RPS6KA5: variants seen among roughly 807,000 people sequenced by gnomAD.
RPS6KA5 encodes the protein ribosomal protein S6 kinase alpha-5.
In RPS6KA5, 27 loss-of-function variants were observed where a neutral mutation model predicts 85.5. The ratio of observed to expected loss-of-function variants is 0.32; its 90% CI spans 0.23 to 0.44. The LOEUF is 0.44. RPS6KA5 is among the 20% of genes least tolerant of loss of function. The probability of loss-of-function intolerance (pLI) is 1.00; values close to 1 mark genes in which losing one functional copy is unlikely to be tolerated. For missense variants in RPS6KA5, 811 were observed against 980.9 expected (o/e 0.83, Z 2.31); for synonymous variants, 334 against 348.2 (o/e 0.96, Z 0.46).
rs184790985 is a variant in RPS6KA5 at position 90,864,736 on chromosome 14, T to C, written c.*7338A>G. 5 of 152,300 alleles carry C rather than the reference T, an allele frequency of 3.3e-5. No individual in the cohort carries two copies. The highest frequency in any genetic ancestry group is 9.6e-5 in the African/African-American group (4 of 41,566). The allele number at this position is 152,300 out of a possible 1,614,324, so 9.4% of individuals were successfully genotyped here. A position where few individuals can be genotyped will look rare whatever the true frequency, so the allele number is the denominator to read the frequency against. ...ACAAATGACTTGAACAGGCACTTAA[T>C]TGAGGATAGCCAAATGACTAATAAA... is the stretch of plus-strand genomic sequence containing the variant. On this transcript the variant is annotated 3_prime_UTR_variant, in exon 17 of 17. Transcript: ENST00000614987.
intron 1 of RPS6KA5, among the ~76,000 whole-genome samples, chr14:91,014,618 T>A (rs2041404559): frequency 6.6e-6 from 1 of 152,112 alleles, no homozygotes; most frequent in African/African-American, 2.4e-5. Flanking sequence ...TATTTACTTA[T>A]CAAAGTTAAT....
Position 90,857,161 on chromosome 14 carries a change from A to G in RPS6KA5, c.*14913T>C, listed in dbSNP as rs2032325132. The stretch of plus-strand genomic sequence containing the variant: ...GTTATCTCTGGAATACGTCTTTGTA[A>G]TAAAAAAAAATCCACTGGATAAAGT... On this transcript the variant is annotated 3_prime_UTR_variant, in exon 17 of 17. Coordinates refer to ENST00000614987, the MANE Select transcript of RPS6KA5 (RefSeq NM_004755.4). The G allele has an allele frequency of 6.6e-6, 1 of 152,198 alleles. No homozygotes were observed. Among genetic ancestry groups the G allele is most frequent in the Non-Finnish European group, 1.5e-5 (1 of 68,038 alleles). 9.4% of individuals were successfully genotyped at this position (152,198 alleles called of 1,614,324 possible). A position where few individuals can be genotyped will look rare whatever the true frequency, so the allele number is the denominator to read the frequency against.
At position 90,907,978 on chromosome 14, in the gene RPS6KA5, T is replaced by C. The variant is rs375879398; in HGVS notation, c.807-1679A>G. 2.9e-3 allele frequency among the ~76,000 whole-genome samples: 439 copies of C among 152,318 alleles called. 22 individuals carry two copies. In the South Asian group the frequency reaches 0.088, roughly 31 times the overall value. On this transcript the variant is annotated intron_variant, in intron 7 of 16. Coordinates refer to ENST00000614987, the MANE Select transcript of RPS6KA5 (RefSeq NM_004755.4). The stretch of plus-strand genomic sequence containing the variant: ...AAGCAAATTGTGACATTTACTTTTG[T>C]TGAATTAGGGTAGAAATATATGCAC...
rs1284915992 is a variant in RPS6KA5 at position 90,875,294 on chromosome 14, C to T, written c.1903G>A (p.Val635Met). The change falls in exon 15 of 17, where the codon GTG (valine) becomes ATG (methionine). Residue 635 changes from valine to methionine, a missense_variant. Val to Met is a conservative substitution (Grantham distance 21, BLOSUM62 1). This residue lies in a region of RPS6KA5 where 650 missense variants were observed against 793.4 expected (regional missense o/e 0.82). Coordinates refer to ENST00000614987, the MANE Select transcript of RPS6KA5 (RefSeq NM_004755.4). ...HDRSLTCTSAVEIMKKIKKGD... is the reference protein window; with the variant it reads ...HDRSLTCTSAMEIMKKIKKGD... Reference sequence around the variant, plus strand: ...TTTTTAATTTTCTTCATGATTTCCACCGCGCTGGTACACGTCAAACTTCGG... The same window carrying T: ...TTTTTAATTTTCTTCATGATTTCCATCGCGCTGGTACACGTCAAACTTCGG... 3 of 1,614,004 alleles carry T rather than the reference C, an allele frequency of 1.9e-6. No individual in the cohort carries two copies. Among genetic ancestry groups the T allele is most frequent in the Non-Finnish European group, 2.5e-6 (3 of 1,179,916 alleles).
intron 2 of RPS6KA5, among the ~76,000 whole-genome samples, chr14:90,996,207 T>G (rs1187439231): frequency 6.6e-6 from 1 of 151,438 alleles, no homozygotes; most frequent in Non-Finnish European, 1.5e-5. Flanking sequence ...TTTTTTTTGT[T>G]TTTTTTTTCA....
At position 90,889,114 on chromosome 14, in the gene RPS6KA5, TA is replaced by T. The variant is rs531535302; in HGVS notation, c.1836+1372del. On this transcript the variant is annotated intron_variant, in intron 14 of 16. Coordinates refer to ENST00000614987, the MANE Select transcript of RPS6KA5 (RefSeq NM_004755.4). ...TTTGAGACCAGCCTGACCAACATGG[TA>T]AAACCTCGTCTCTACTAAAAATACA... is the stretch of plus-strand genomic sequence containing the variant. Among the ~76,000 whole-genome samples, 611 of 152,046 alleles carry T rather than the reference TA, an allele frequency of 4.0e-3. 8 individuals are homozygous for T. The highest frequency in any genetic ancestry group is 0.014 in the African/African-American group (571 of 41,504).
intron 6 of RPS6KA5, among the ~76,000 whole-genome samples, chr14:90,921,188 G>C (rs1410574894): frequency 6.6e-6 from 1 of 152,156 alleles, no homozygotes; most frequent in African/African-American, 2.4e-5. Context: ...CTAAGTTTCA[G>C]AGAGGTGACA....
rs2033027632 is a variant in RPS6KA5 at position 90,870,456 on chromosome 14, A to G, written c.*1618T>C. On this transcript the variant is annotated 3_prime_UTR_variant, in exon 17 of 17. Transcript: ENST00000614987. Reference sequence around the variant, plus strand: ...GACAAAATGTGAACAGGATAATATAATATTTTGAAAATATTTTAATATTTG... The same window carrying G: ...GACAAAATGTGAACAGGATAATATAGTATTTTGAAAATATTTTAATATTTG... 1 of 152,170 alleles carries G rather than the reference A, an allele frequency of 6.6e-6. No homozygotes were observed. Among genetic ancestry groups the G allele is most frequent in the Non-Finnish European group, 1.5e-5 (1 of 68,020 alleles). 9.4% of individuals were successfully genotyped at this position (152,170 alleles called of 1,614,324 possible).
At position 90,947,502 on chromosome 14, in the gene RPS6KA5, C is replaced by T. The variant is rs778788639; in HGVS notation, c.443G>A (p.Arg148His). Residue 148 changes from arginine to histidine, a missense_variant, in exon 4 of 17, where the codon CGT becomes CAT. Arg to His is a conservative substitution (Grantham distance 29, BLOSUM62 0). Around this residue, in one of 3 missense-constraint regions of RPS6KA5, gnomAD observed 48 missense variants for 87.6 expected, o/e 0.55. Transcript: ENST00000614987. Reference protein sequence around the residue: ...ELFTHLSQRERFTEHEVQIYV... With the variant: ...ELFTHLSQREHFTEHEVQIYV... ...AATCTGCACCTCATGCTCTGTGAAA[C>T]GCTCTCTTTGAGAAAGATGAGTAAA... 19 of 1,612,562 alleles carry T rather than the reference C, an allele frequency of 1.2e-5. No homozygotes were observed. The highest frequency in any genetic ancestry group is 3.3e-4 in the Middle Eastern group (2 of 6,080).
At chr14:90,931,302 C>A (rs1390161389) in intron 5 of RPS6KA5, among the ~76,000 whole-genome samples, 5 of 152,152 alleles carry the variant, frequency 3.3e-5, no homozygotes, top group African/African-American at 1.2e-4. Context: ...AAATACTGTA[C>A]AACTCCACTG....
intron 1 of RPS6KA5, among the ~76,000 whole-genome samples, chr14:91,025,514 A>G (rs1320220427): frequency 6.6e-6 from 1 of 152,236 alleles, no homozygotes; most frequent in Non-Finnish European, 1.5e-5. Flanking sequence ...AGCATGGGTC[A>G]TGTGTGGTTT....
At position 91,050,238 on chromosome 14, in the gene RPS6KA5, A is replaced by G. The variant is rs144388858; in HGVS notation, c.103+10094T>C. On this transcript the variant is annotated intron_variant, in intron 1 of 16. Transcript: ENST00000614987. The stretch of plus-strand genomic sequence containing the variant: ...ACAAAAAATAAAAAGAAAATTAGCC[A>G]GGCATGGTGGTATGTGCCTACAGTC... Among the ~76,000 whole-genome samples the G allele has an allele frequency of 1.5e-3, 222 of 152,298 alleles. 1 individual carries two copies. The highest frequency in any genetic ancestry group is 4.7e-3 in the African/African-American group (195 of 41,574).
intron 3 of RPS6KA5, among the ~76,000 whole-genome samples, chr14:90,965,131 C>T (rs189071360): frequency 6.6e-6 from 1 of 152,224 alleles, no homozygotes; most frequent in Admixed American, 6.5e-5. Context: ...CGCTGTGGCT[C>T]ATGCCTGTAA....
intron 1 of RPS6KA5, among the ~76,000 whole-genome samples, chr14:91,050,575 T>A (rs1322244627): frequency 6.6e-6 from 1 of 152,068 alleles, no homozygotes; most frequent in Non-Finnish European, 1.5e-5. Flanking sequence ...ATTATAGGCA[T>A]CTGCCACCAT....
At position 90,872,027 on chromosome 14, in the gene RPS6KA5, C is replaced by T. The variant is rs998580083; in HGVS notation, c.*47G>A. On this transcript the variant is annotated 3_prime_UTR_variant, in exon 17 of 17. Coordinates refer to ENST00000614987, the MANE Select transcript of RPS6KA5 (RefSeq NM_004755.4). ...CATAAAAGATCGCCTCAGGCATATG[C>T]TGAGGGAATAAAGGTGCAATGGATC... is the stretch of plus-strand genomic sequence containing the variant. 1.9e-6 allele frequency: 3 copies of T among 1,571,096 alleles called. No homozygotes were observed. Among genetic ancestry groups the T allele is most frequent in the African/African-American group, 1.4e-5 (1 of 72,774 alleles).
intron 1 of RPS6KA5, among the ~76,000 whole-genome samples, chr14:91,054,912 AC>A (rs755149467): frequency 6.6e-6 from 1 of 152,132 alleles, no homozygotes; most frequent in Non-Finnish European, 1.5e-5. Context: ...CTGATAAGAG[AC>A]ATGTACCTAA....
chr14:90,874,059 A>G (rs2033296218), intron 15 of RPS6KA5, among the ~76,000 whole-genome samples: 1 of 152,238 alleles, frequency 6.6e-6, no homozygotes, highest in Non-Finnish European at 1.5e-5. Flanking sequence ...TCCAAAACAA[A>G]GATTCCCACT....
At chr14:90,983,236 C>T (rs1218496112) in intron 2 of RPS6KA5, among the ~76,000 whole-genome samples, 1 of 147,114 alleles carries the variant, frequency 6.8e-6, no homozygotes, top group East Asian at 2.0e-4. Flanking sequence ...AAGGTCGCGC[C>T]ATTTCACTCC....
At chr14:90,875,861 A>T (rs551531256) in intron 14 of RPS6KA5, among the ~76,000 whole-genome samples, 1 of 134,786 alleles carries the variant, frequency 7.4e-6, no homozygotes, top group African/African-American at 2.8e-5. Context: ...ATGAGAACAC[A>T]TGGACACAGG....
Sources: allele counts gnomAD v4.1 joint callset (sites outside exome capture counted in the v4.1 genomes callset), GRCh38; gene constraint gnomAD v4.1.1; regional missense constraint gnomAD v4.1.1; transcripts MANE v1.5; gene names NCBI Gene and HGNC (gene_info 2026-07-23, HGNC 2026-07-21).